CPNE7: variants seen among roughly 807,000 people sequenced by gnomAD.
CPNE7 encodes copine-7.
Under a neutral mutation model 66.5 loss-of-function variants are expected in CPNE7, and 78 were observed. That is an observed-to-expected ratio of 1.17 (90% CI 0.98 to 1.42). CPNE7 has a LOEUF of 1.42. Ranked by LOEUF, CPNE7 falls within the 40% of genes most tolerant of loss-of-function variation. The pLI is 0.00. For synonymous variants in CPNE7, 468 were observed against 336.7 expected (o/e 1.39, Z -4.27); for missense variants, 1,012 against 776.6 (o/e 1.30, Z -3.60).
At chr16:89,588,891 C>A (rs995123308) in intron 10 of CPNE7, 83 bp downstream of exon 10, 30 of 1,559,338 alleles carry the variant, frequency 1.9e-5, no homozygotes, top group Non-Finnish European at 2.4e-5. Context: ...CCTCACCCCC[C>A]TGGTCTCCAG....
Position 89,588,818 on chromosome 16 carries a change from C to G in CPNE7, c.1061+10C>G. On this transcript the variant is annotated intron_variant, in intron 10 of 14. Transcript: ENST00000319518. ...GCCAGGACTATGACAGGTGCGCCCA[C>G]CACCTTCCCCTCACCCCCTGGTCTC... 1 of 1,612,590 alleles carries G rather than the reference C, an allele frequency of 6.2e-7. No homozygotes were observed. The highest frequency in any genetic ancestry group is 8.5e-7 in the Non-Finnish European group (1 of 1,179,632).
chr16:89,583,428 C>G (rs1349784218), intron 2 of CPNE7: 4 of 1,549,880 alleles, frequency 2.6e-6, no homozygotes. Flanking sequence ...AGCCTGTTTC[C>G]TCACCTGGTA....
At chr16:89,592,175 ATTTT>A (rs372508407) in intron 13 of CPNE7, among the ~76,000 whole-genome samples, 1 of 138,180 alleles carries the variant, frequency 7.2e-6, no homozygotes, top group East Asian at 2.2e-4. Context: ...TGCCCGGCTA[ATTTT>A]TTTTTTTTGT....
chr16:89,592,330 T>A (rs2031111403), intron 13 of CPNE7, among the ~76,000 whole-genome samples: 1 of 151,054 alleles, frequency 6.6e-6, no homozygotes, highest in African/African-American at 2.4e-5. Context: ...AATTTTAAAC[T>A]CACCAAAAAG....
At chr16:89,588,838 G>T (rs1178508191) in intron 10 of CPNE7, 30 bp downstream of exon 10, 1 of 1,607,994 alleles carries the variant, frequency 6.2e-7, no homozygotes, top group Admixed American at 1.7e-5. Flanking sequence ...CTCACCCCCT[G>T]GTCTCCAGGT....
In CPNE7 at chr16:89,585,547, T is replaced by A. The variant is rs1318851274; in HGVS notation, c.675T>A (p.Pro225=). ...SSLCSCEETR[P]LKCLVWDYDS... ...TCTGCAGCTGCGAGGAGACAAGGCC[T>A]CTAAAGGTGGGGGACGGGATGGACC... The change falls in exon 6 of 15, where the codon CCT becomes CCA. Residue 225 remains proline, a synonymous_variant. Transcript: ENST00000319518. 1 of 1,609,862 alleles carries A rather than the reference T, an allele frequency of 6.2e-7. No individual in the cohort carries two copies. The highest frequency in any genetic ancestry group is 1.7e-4 in the Middle Eastern group (1 of 6,052).
chr16:89,584,696 G>T lies in CPNE7; in HGVS notation c.508-78G>T. ...CGGCTGGTGGCATGAAGTGAGCCCT[G>T]GGAAACGACAAAGCCAGCTCCCATC... On this transcript the variant is annotated intron_variant, in intron 4 of 14. Coordinates refer to ENST00000319518, the MANE Select transcript of CPNE7 (RefSeq NM_153636.3). This position sits in a 1 kb window ranked among gnomAD's most constrained non-coding sequence, Gnocchi z 6.0. 1 of 1,094,838 alleles carries T rather than the reference G, an allele frequency of 9.1e-7. No homozygotes were observed. Among genetic ancestry groups the T allele is most frequent in the Non-Finnish European group, 1.4e-6 (1 of 730,056 alleles). 67.8% of individuals were successfully genotyped at this position (1,094,838 alleles called of 1,614,324 possible).
chr16:89,577,135 A>G (rs2058872346), intron 1 of CPNE7, among the ~76,000 whole-genome samples: 2 of 152,214 alleles, frequency 1.3e-5, no homozygotes, highest in South Asian at 4.1e-4. Context: ...GGGATGGGAG[A>G]GGCTGGTGAG....
intron 6 of CPNE7, 35 bp from the exon 7 acceptor site, chr16:89,585,652 C>A: frequency 6.4e-7 from 1 of 1,554,102 alleles, no homozygotes; most frequent in East Asian, 2.4e-5. Context: ...CTGGGGCCCC[C>A]AGACAGCAGT....
At position 89,586,734 on chromosome 16, in the gene CPNE7, T is replaced by A. The variant is rs764208015; in HGVS notation, c.845T>A (p.Val282Glu). ...QKRRSYKNSGVVVLADLKFHR... is the reference protein window; with the variant it reads ...QKRRSYKNSGEVVLADLKFHR... ...AGACGCAGTTATAAGAACTCAGGAG[T>A]GGTCGTCCTGGCTGACCTCAAGGTG... The change falls in exon 8 of 15, where the codon GTG becomes GAG. Residue 282 changes from valine (V) to glutamate (E), a missense_variant. Coordinates refer to ENST00000319518, the MANE Select transcript of CPNE7 (RefSeq NM_153636.3). 80 of 1,611,272 alleles carry A rather than the reference T, an allele frequency of 5.0e-5. No individual in the cohort carries two copies. The South Asian group carries it at 8.0e-4, about 16-fold the overall frequency.
chr16:89,583,418 A>G, intron 2 of CPNE7: 1 of 1,545,720 alleles, frequency 6.5e-7, no homozygotes, highest in Non-Finnish European at 8.8e-7. Context: ...CTTCCACCTG[A>G]GCCTGTTTCC....
In CPNE7 at chr16:89,584,054, C is replaced by T. The variant is rs1282992235; in HGVS notation, c.459C>T (p.Asn153=). Residue 153 remains asparagine, a synonymous_variant, in exon 4 of 15, where the codon AAC becomes AAT. Coordinates refer to ENST00000319518, the MANE Select transcript of CPNE7 (RefSeq NM_153636.3). The surrounding 1 kb of genome is among the most constrained non-coding windows in gnomAD (Gnocchi z 6.0). ...ITVIAEDISG[N]NGYVELSFRA... is the part of the protein sequence containing the mutation. ...TGATCGCCGAGGACATCTCGGGGAA[C>T]AACGGCTACGTGGAGCTCTCCTTCC... 2 of 1,612,144 alleles carry T rather than the reference C, an allele frequency of 1.2e-6. No homozygotes were observed. The highest frequency in any genetic ancestry group is 1.7e-6 in the Non-Finnish European group (2 of 1,179,656).
chr16:89,585,292 C>T (rs868864381), intron 5 of CPNE7, among the ~76,000 whole-genome samples, 172 bp from the exon 6 acceptor site: 2 of 152,148 alleles, frequency 1.3e-5, no homozygotes, highest in Non-Finnish European at 2.9e-5. Context: ...CACATGGCTT[C>T]GTGCAGGGAG....
At chr16:89,583,443 G>C in intron 2 of CPNE7, 2 of 1,550,368 alleles carry the variant, frequency 1.3e-6, no homozygotes, top group Non-Finnish European at 1.7e-6. Context: ...CTGGTAAATA[G>C]GTATGATGAC....
At chr16:89,594,558 C>T (rs1034019418) in intron 13 of CPNE7, among the ~76,000 whole-genome samples, 1 of 151,712 alleles carries the variant, frequency 6.6e-6, no homozygotes, top group Non-Finnish European at 1.5e-5. Flanking sequence ...TTTATGTTTC[C>T]CGTTGTCCAC....
At chr16:89,586,872 G>T (rs998472874) in intron 8 of CPNE7, 116 bp downstream of exon 8, 2 of 1,130,990 alleles carry the variant, frequency 1.8e-6, no homozygotes, top group African/African-American at 1.5e-5. Context: ...CACGTCTGGG[G>T]AGGGGCTGAG....
At chr16:89,580,894 G>A (rs188143400) in intron 2 of CPNE7, among the ~76,000 whole-genome samples, 12 of 137,264 alleles carry the variant, frequency 8.7e-5, no homozygotes, top group African/African-American at 3.1e-4. Flanking sequence ...CCCGTCACAC[G>A]GAACATCCCA....
At chr16:89,588,461 A>G (rs1428183804) in intron 9 of CPNE7, among the ~76,000 whole-genome samples, 1 of 152,026 alleles carries the variant, frequency 6.6e-6, no homozygotes, top group Non-Finnish European at 1.5e-5. Context: ...CCTCCCGGAG[A>G]TCCAGGGAGC....
At chr16:89,593,447 G>A (rs924829474) in intron 13 of CPNE7, among the ~76,000 whole-genome samples, 3 of 151,642 alleles carry the variant, frequency 2.0e-5, no homozygotes, top group African/African-American at 4.9e-5. Flanking sequence ...CCGCCTCCCG[G>A]GTTCACGCCA....
Sources: allele counts gnomAD v4.1 joint callset (sites outside exome capture counted in the v4.1 genomes callset), GRCh38; gene constraint gnomAD v4.1.1; non-coding constraint Gnocchi (gnomAD v3.1); transcripts MANE v1.5; gene names NCBI Gene and HGNC (gene_info 2026-07-23, HGNC 2026-07-21).